The following AGO3 variants were observed in gnomAD, a reference collection of about 807,000 sequenced individuals.
AGO3 encodes argonaute RISC catalytic component 3, also known as protein argonaute-3.
In AGO3, 16 loss-of-function variants were observed where a neutral mutation model predicts 105.5. The ratio of observed to expected loss-of-function variants is 0.15; its 90% CI spans 0.10 to 0.23. The LOEUF (loss-of-function observed/expected upper bound fraction) is 0.23. Among genes scored for constraint, AGO3 ranks in the 10% least tolerant of loss-of-function variants. The pLI is 1.00. For missense variants in AGO3, 534 were observed against 1,088.0 expected (o/e 0.49, Z 7.16); for synonymous variants, 340 against 367.3 (o/e 0.93, Z 0.85).
chr1:36,004,277 A>AAG, intron 5 of AGO3, 64 bp from the exon 6 acceptor site: 5 of 1,503,730 alleles, frequency 3.3e-6, no homozygotes, highest in Non-Finnish European at 4.5e-6. Context: ...CCTGGAGCCT[A>AAG]AGATGAAGTT....
intron 12 of AGO3, among the ~76,000 whole-genome samples, chr1:36,028,336 C>T (rs77295863): frequency 7.1e-4 from 107 of 151,124 alleles, no homozygotes; most frequent in Middle Eastern, 3.4e-3. Flanking sequence ...CATGCTGGTG[C>T]GCTGCACACA....
At chr1:35,950,975 T>C (rs575126510) in intron 2 of AGO3, among the ~76,000 whole-genome samples, 6 of 152,288 alleles carry the variant, frequency 3.9e-5, no homozygotes, top group African/African-American at 1.2e-4. Flanking sequence ...ATTTATTTTT[T>C]AGACAGAGTC....
chr1:35,960,413 T>G lies in AGO3; in HGVS notation c.192-6542T>G, dbSNP rs557729520. 3.3e-5 allele frequency among the ~76,000 whole-genome samples: 5 copies of G among 152,206 alleles called. No homozygotes were observed. In the South Asian group the frequency reaches 1.0e-3, roughly 32 times the overall value. On this transcript the variant is annotated intron_variant, in intron 2 of 18. Transcript: ENST00000373191. ...GAGGATCACTTGAACTCAGGAGTTT[T>G]AGGTTACAGTGAACTGTGATCACAT...
At chr1:35,963,189 A>G (rs2148766458) in intron 2 of AGO3, among the ~76,000 whole-genome samples, 1 of 152,338 alleles carries the variant, frequency 6.6e-6, no homozygotes, top group Non-Finnish European at 1.5e-5. Context: ...ATGTAAGGAG[A>G]TAATTCATTT....
chr1:35,976,201 C>A (rs1461554123), intron 5 of AGO3, among the ~76,000 whole-genome samples: 1 of 152,188 alleles, frequency 6.6e-6, no homozygotes, highest in African/African-American at 2.4e-5. Context: ...TCCCAGAGTG[C>A]TGGGATTACA....
intron 11 of AGO3, among the ~76,000 whole-genome samples, chr1:36,018,599 A>G (rs1002874451): frequency 6.6e-6 from 1 of 151,572 alleles, no homozygotes; most frequent in Non-Finnish European, 1.5e-5. Context: ...TGCCTGGCTA[A>G]TTTTTTGTAT....
At position 36,055,503 on chromosome 1, in the gene AGO3, TG is replaced by T; in HGVS notation, c.2475-132del. 1 of 828,138 alleles carries T rather than the reference TG, an allele frequency of 1.2e-6. No homozygotes were observed. Among genetic ancestry groups the T allele is most frequent in the Non-Finnish European group, 1.9e-6 (1 of 523,576 alleles). 51.3% of individuals were successfully genotyped at this position (828,138 alleles called of 1,614,324 possible). On this transcript the variant is annotated intron_variant, in intron 18 of 18. Coordinates refer to ENST00000373191, the MANE Select transcript of AGO3 (RefSeq NM_024852.4). The surrounding 1 kb of genome is among the most constrained non-coding windows in gnomAD (Gnocchi z 4.4). ...GTTAATAGTGATTGAAGCTGAGTGA[TG>T]GACACATAGATTGTTACACCAGTCT...
chr1:36,047,124 TC>T (rs1470946379), intron 17 of AGO3, among the ~76,000 whole-genome samples: 1 of 151,844 alleles, frequency 6.6e-6, no homozygotes, highest in Non-Finnish European at 1.5e-5. Context: ...ATGCCTATAA[TC>T]CCAGCTACTC....
chr1:35,966,370 A>T (rs1312615266), intron 2 of AGO3, among the ~76,000 whole-genome samples: 1 of 152,156 alleles, frequency 6.6e-6, no homozygotes, highest in East Asian at 1.9e-4. Context: ...TTTTGAATAT[A>T]TAAGTATTGA....
chr1:36,018,130 C>T lies in AGO3; in HGVS notation c.1406+4082C>T, dbSNP rs374507822. On this transcript the variant is annotated intron_variant, in intron 11 of 18. Coordinates refer to ENST00000373191, the MANE Select transcript of AGO3 (RefSeq NM_024852.4). ...CAAGTAGAACAGGCACGTACCACCA[C>T]GCCCAACTAATTTTTTGTATTCTTA... 7.3e-5 allele frequency among the ~76,000 whole-genome samples: 11 copies of T among 151,634 alleles called. No individual in the cohort carries two copies. The South Asian group carries it at 1.9e-3, about 26-fold the overall frequency.
At chr1:35,949,359 C>G (rs902877138) in intron 2 of AGO3, among the ~76,000 whole-genome samples, 1 of 152,140 alleles carries the variant, frequency 6.6e-6, no homozygotes, top group African/African-American at 2.4e-5. Flanking sequence ...AAACTTATTC[C>G]GTTTTCTTCA....
At chr1:35,991,139 A>G (rs1021998031) in intron 5 of AGO3, among the ~76,000 whole-genome samples, 6 of 152,134 alleles carry the variant, frequency 3.9e-5, no homozygotes, top group Non-Finnish European at 8.8e-5. Flanking sequence ...CCCTGTCTCT[A>G]CTAAAATACA....
At chr1:35,945,304 T>TG (rs1304771188) in intron 1 of AGO3, among the ~76,000 whole-genome samples, 2 of 150,766 alleles carry the variant, frequency 1.3e-5, no homozygotes, top group African/African-American at 2.4e-5. Context: ...CCTCCTACCT[T>TG]GGCCTCCTAA....
intron 5 of AGO3, 39 bp downstream of exon 5, chr1:35,973,550 A>G (rs1421133757): frequency 7.0e-7 from 1 of 1,434,968 alleles, no homozygotes; most frequent in Admixed American, 2.2e-5. Flanking sequence ...TGGGTGGTGG[A>G]TTTCTGTATG....
chr1:36,056,212 A>T lies in AGO3; in HGVS notation c.*467A>T, dbSNP rs1204202481. ...TTGTAAAAGGTGTCTGTGTATTTTT[A>T]AAATATATACATCCATACTTCATAT... On this transcript the variant is annotated 3_prime_UTR_variant, in exon 19 of 19. Transcript: ENST00000373191. 1 of 155,458 alleles carries T rather than the reference A, an allele frequency of 6.4e-6. No individual in the cohort carries two copies. Among genetic ancestry groups the T allele is most frequent in the African/African-American group, 2.4e-5 (1 of 41,500 alleles). The allele number at this position is 155,458 out of a possible 1,614,324, so 9.6% of individuals were successfully genotyped here. A position where few individuals can be genotyped will look rare whatever the true frequency, so the allele number is the denominator to read the frequency against.
At position 36,070,030 on chromosome 1, in the gene AGO3, C is replaced by G. The variant is rs1169228777; in HGVS notation, c.*14285C>G. On this transcript the variant is annotated 3_prime_UTR_variant, in exon 19 of 19. Coordinates refer to ENST00000373191, the MANE Select transcript of AGO3 (RefSeq NM_024852.4). ...CAAGATTGTGCCACTGCACTCCAGC[C>G]TGGGCAACAAAGCGAAGCTCTGTCT... 6.6e-6 allele frequency: 1 copy of G among 152,014 alleles called. No individual in the cohort carries two copies. Among genetic ancestry groups the G allele is most frequent in the Non-Finnish European group, 1.5e-5 (1 of 68,010 alleles). 9.4% of individuals were successfully genotyped at this position (152,014 alleles called of 1,614,324 possible). A position where few individuals can be genotyped will look rare whatever the true frequency, so the allele number is the denominator to read the frequency against.
rs1053779969 is a variant in AGO3, at chr1:36,059,380, A to G, written c.*3635A>G. On this transcript the variant is annotated 3_prime_UTR_variant, in exon 19 of 19. Transcript: ENST00000373191. ...TTTATTGTTGCATTTCTGGTGTAGAATTTCTAATCTTTTTTATTTTAAAAA... is the reference window on the plus strand; with the variant it reads ...TTTATTGTTGCATTTCTGGTGTAGAGTTTCTAATCTTTTTTATTTTAAAAA... 2.0e-5 allele frequency: 3 copies of G among 151,772 alleles called. No individual in the cohort carries two copies. The South Asian group carries it at 6.2e-4, about 32-fold the overall frequency. 9.4% of individuals were successfully genotyped at this position (151,772 alleles called of 1,614,324 possible). A position where few individuals can be genotyped will look rare whatever the true frequency, so the allele number is the denominator to read the frequency against.
At chr1:36,041,960 T>C (rs902910047) in intron 16 of AGO3, among the ~76,000 whole-genome samples, 9 of 152,188 alleles carry the variant, frequency 5.9e-5, no homozygotes, top group Non-Finnish European at 1.0e-4. Flanking sequence ...AAAGTTTGGC[T>C]AGCTGCAGAG....
intron 5 of AGO3, among the ~76,000 whole-genome samples, chr1:35,990,705 A>T (rs1203190532): frequency 1.3e-5 from 2 of 152,200 alleles, no homozygotes; most frequent in Non-Finnish European, 2.9e-5. Flanking sequence ...TAGTAAATAA[A>T]AATTTCTAGT....
Sources: gnomAD v4.1 joint callset for allele counts (sites outside exome capture counted in the v4.1 genomes callset) on GRCh38, gnomAD v4.1.1 for gene constraint, Gnocchi (gnomAD v3.1) non-coding constraint, MANE v1.5 for transcripts, NCBI Gene and HGNC (gene_info 2026-07-23, HGNC 2026-07-21) for gene names.